Variants in SMYD3 observed in about 807,000 individuals in gnomAD.
SMYD3 encodes the protein SET and MYND domain containing 3.
Under a neutral mutation model 57.7 loss-of-function variants are expected in SMYD3, and 36 were observed. The observed-to-expected ratio is 0.62, with a 90% confidence interval of 0.48 to 0.82. The LOEUF (loss-of-function observed/expected upper bound fraction) is 0.82. Among genes scored for constraint, SMYD3 ranks in the 40% least tolerant of loss-of-function variants. The pLI is 0.00. For synonymous variants in SMYD3, 211 were observed against 195.0 expected (o/e 1.08, Z -0.68); for missense variants, 515 against 538.8 (o/e 0.96, Z 0.44).
At chr1:245,948,621 A>C (rs943199552) in intron 5 of SMYD3, among the ~76,000 whole-genome samples, 14 of 127,120 alleles carry the variant, frequency 1.1e-4, no homozygotes, top group African/African-American at 3.4e-4. Flanking sequence ...CCCAGCTTCC[A>C]CCAGGCAGCA....
intron 5 of SMYD3, among the ~76,000 whole-genome samples, chr1:245,961,561 G>A (rs150376018): frequency 3.3e-5 from 5 of 151,352 alleles, no homozygotes; most frequent in East Asian, 3.9e-4. Flanking sequence ...TCTTCTACCT[G>A]TTGTTTCTGG....
At chr1:246,363,393 C>G (rs2066039988) in intron 1 of SMYD3, among the ~76,000 whole-genome samples, 1 of 152,132 alleles carries the variant, frequency 6.6e-6, no homozygotes. Context: ...AGCCCCTCTG[C>G]CCGGCCACCA....
At chr1:246,361,444 G>A (rs1558423622) in intron 1 of SMYD3, among the ~76,000 whole-genome samples, 1 of 152,136 alleles carries the variant, frequency 6.6e-6, no homozygotes, top group Admixed American at 6.5e-5. Flanking sequence ...CCACTACTGG[G>A]TATTCTACCA....
At position 246,415,541 on chromosome 1, in the gene SMYD3, G is replaced by A. The variant is rs552856565; in HGVS notation, c.165-60447C>T. ...AAGCTAGTTCATAGAACTAGATCTA[G>A]AACCCTGGCCTCCAGCACTAAAAAT... On this transcript the variant is annotated intron_variant, in intron 1 of 11. Transcript: ENST00000490107. Among the ~76,000 whole-genome samples, 30 of 152,234 alleles carry A rather than the reference G, an allele frequency of 2.0e-4. No homozygotes were observed. In the South Asian group the frequency reaches 5.8e-3, roughly 30 times the overall value.
intron 10 of SMYD3, among the ~76,000 whole-genome samples, chr1:245,798,601 C>T (rs2047703208): frequency 6.6e-6 from 1 of 151,766 alleles, no homozygotes; most frequent in African/African-American, 2.4e-5. Flanking sequence ...CCTTGGGCTC[C>T]ATTCTTTGTG....
At chr1:246,373,979 C>T (rs1255192555) in intron 1 of SMYD3, among the ~76,000 whole-genome samples, 1 of 152,116 alleles carries the variant, frequency 6.6e-6, no homozygotes, top group Non-Finnish European at 1.5e-5. Flanking sequence ...CTTCCAAATG[C>T]CAAGCACTTA....
At chr1:246,005,894 GA>G (rs1485593858) in intron 5 of SMYD3, among the ~76,000 whole-genome samples, 1 of 152,152 alleles carries the variant, frequency 6.6e-6, no homozygotes, top group Non-Finnish European at 1.5e-5. Flanking sequence ...TTACAGGCCA[GA>G]ACACACACCT....
intron 5 of SMYD3, among the ~76,000 whole-genome samples, chr1:246,257,346 T>C (rs537560463): frequency 6.6e-6 from 1 of 152,338 alleles, no homozygotes; most frequent in East Asian, 1.9e-4. Flanking sequence ...TGGGTACATA[T>C]ATATTTAGGA....
chr1:246,385,628 C>G (rs1280207238), intron 1 of SMYD3, among the ~76,000 whole-genome samples: 1 of 151,972 alleles, frequency 6.6e-6, no homozygotes, highest in Non-Finnish European at 1.5e-5. Flanking sequence ...AGTAAAGAAC[C>G]CCGTATAAAT....
intron 1 of SMYD3, 53 bp downstream of exon 1, chr1:246,507,001 C>CAGCACCCCACA: frequency 8.6e-7 from 1 of 1,159,194 alleles, no homozygotes; most frequent in Non-Finnish European, 1.2e-6. Flanking sequence ...CCCCCCCTCC[C>CAGCACCCCACA]CAGCACCCCA....
intron 5 of SMYD3, among the ~76,000 whole-genome samples, chr1:246,273,135 CTTTT>C (rs71299006): frequency 9.3e-6 from 1 of 107,608 alleles, no homozygotes; most frequent in East Asian, 3.1e-4. Context: ...TCCCTGTTTT[CTTTT>C]TTTTTTTTTT....
At chr1:245,941,557 G>A (rs2057246678) in intron 5 of SMYD3, among the ~76,000 whole-genome samples, 1 of 152,160 alleles carries the variant, frequency 6.6e-6, no homozygotes, top group Non-Finnish European at 1.5e-5. Context: ...GTCTCACTCT[G>A]TCACCCAGGC....
At chr1:246,418,078 AT>A (rs1193155914) in intron 1 of SMYD3, among the ~76,000 whole-genome samples, 1 of 152,188 alleles carries the variant, frequency 6.6e-6, no homozygotes, top group Non-Finnish European at 1.5e-5. Context: ...GCTTCTGCAC[AT>A]TAATACATTT....
Position 245,769,694 on chromosome 1 carries a change from A to C in SMYD3, c.1077-5545T>G, listed in dbSNP as rs1391282744. Among the ~76,000 whole-genome samples the C allele has an allele frequency of 5.9e-5, 9 of 152,358 alleles. No individual in the cohort carries two copies. The East Asian group carries it at 1.5e-3, about 26-fold the overall frequency. On this transcript the variant is annotated intron_variant, in intron 10 of 11. Transcript: ENST00000490107. ...TGAAATGGCATTGCGCATGGAAGAA[A>C]AAATGTCCTCATTTTTCAGAGATAC...
chr1:246,127,627 G>A (rs2061527875), intron 5 of SMYD3, among the ~76,000 whole-genome samples: 1 of 152,142 alleles, frequency 6.6e-6, no homozygotes, highest in East Asian at 1.9e-4. Context: ...TGGGTGCGGT[G>A]AATCACGCCT....
intron 5 of SMYD3, among the ~76,000 whole-genome samples, chr1:246,216,520 A>T (rs2148408552): frequency 6.6e-6 from 1 of 152,198 alleles, no homozygotes; most frequent in South Asian, 2.1e-4. Context: ...AATATTAGAG[A>T]ATTGTTACTA....
intron 5 of SMYD3, among the ~76,000 whole-genome samples, chr1:245,964,440 A>G (rs2058089056): frequency 6.6e-6 from 1 of 152,248 alleles, no homozygotes; most frequent in Admixed American, 6.5e-5. Context: ...GTCTTTCAGC[A>G]AAAACTTACC....
intron 10 of SMYD3, among the ~76,000 whole-genome samples, chr1:245,767,540 G>A (rs890114706): frequency 1.2e-4 from 19 of 152,212 alleles, no homozygotes; most frequent in African/African-American, 4.6e-4. Context: ...GAGCAGCCGG[G>A]ACCACAGTGA....
intron 5 of SMYD3, among the ~76,000 whole-genome samples, chr1:246,045,817 T>C (rs184985190): frequency 6.6e-6 from 1 of 151,880 alleles, no homozygotes; most frequent in Non-Finnish European, 1.5e-5. Context: ...GGGCAAAGGA[T>C]ATGAACAGAC....
Sources: allele counts gnomAD v4.1 joint callset (sites outside exome capture counted in the v4.1 genomes callset), GRCh38; gene constraint gnomAD v4.1.1; transcripts MANE v1.5; gene names NCBI Gene and HGNC (gene_info 2026-07-23, HGNC 2026-07-21).